SMYD3: variants seen among roughly 807,000 people sequenced by gnomAD.
SMYD3 encodes the protein SET and MYND domain containing 3.
In SMYD3, 36 loss-of-function variants were observed where a neutral mutation model predicts 57.7. That is an observed-to-expected ratio of 0.62 (90% CI 0.48 to 0.82). SMYD3 has a LOEUF of 0.82. Among genes scored for constraint, SMYD3 ranks in the 40% least tolerant of loss-of-function variants. The pLI, the probability that SMYD3 is intolerant of heterozygous loss-of-function variation, is 0.00. For missense variants in SMYD3, 515 were observed against 538.8 expected (o/e 0.96, Z 0.44); for synonymous variants, 211 against 195.0 (o/e 1.08, Z -0.68).
intron 5 of SMYD3, among the ~76,000 whole-genome samples, chr1:246,299,193 C>T (rs1178875265): frequency 6.6e-6 from 1 of 151,982 alleles, no homozygotes; most frequent in Non-Finnish European, 1.5e-5. Flanking sequence ...CAATAGCGTA[C>T]TGGTTCATTA....
intron 5 of SMYD3, among the ~76,000 whole-genome samples, chr1:245,944,245 C>T (rs554415292): frequency 6.5e-4 from 99 of 152,186 alleles, no homozygotes; most frequent in African/African-American, 2.2e-3. Flanking sequence ...AAAACTCCAT[C>T]GTCTAAGCCT....
intron 8 of SMYD3, among the ~76,000 whole-genome samples, chr1:245,868,845 C>T (rs1273662202): frequency 6.6e-6 from 1 of 152,160 alleles, no homozygotes; most frequent in African/African-American, 2.4e-5. Context: ...TGTCACGTCT[C>T]CCCTCTCTCC....
intron 5 of SMYD3, among the ~76,000 whole-genome samples, chr1:245,973,090 G>A (rs1364248688): frequency 6.6e-6 from 1 of 152,106 alleles, no homozygotes; most frequent in African/African-American, 2.4e-5. Context: ...AAGGTTCCAC[G>A]GCCACAGACA....
intron 10 of SMYD3, among the ~76,000 whole-genome samples, chr1:245,850,564 T>C (rs1265995955): frequency 1.3e-5 from 2 of 151,908 alleles, no homozygotes; most frequent in South Asian, 2.1e-4. Flanking sequence ...GGTGTCAGGG[T>C]GTGTGCCTGT....
intron 10 of SMYD3, among the ~76,000 whole-genome samples, chr1:245,857,380 C>A (rs2051300132): frequency 1.4e-5 from 2 of 146,262 alleles, no homozygotes; most frequent in South Asian, 4.3e-4. Context: ...ATATCCTAGA[C>A]CCTGGACTCA....
intron 10 of SMYD3, among the ~76,000 whole-genome samples, chr1:245,782,303 C>CA (rs1464009682): frequency 2.0e-5 from 3 of 152,162 alleles, no homozygotes; most frequent in Non-Finnish European, 4.4e-5. Flanking sequence ...AAGATTTTGA[C>CA]AGTTTTTGGT....
intron 5 of SMYD3, among the ~76,000 whole-genome samples, chr1:246,133,608 T>C (rs972506177): frequency 6.6e-6 from 1 of 152,116 alleles, no homozygotes; most frequent in African/African-American, 2.4e-5. Context: ...TCTTGATATA[T>C]GTCATCACGA....
chr1:245,955,765 C>A (rs937297443), intron 5 of SMYD3: 2 of 192,190 alleles, frequency 1.0e-5, no homozygotes, highest in African/African-American at 4.7e-5. Flanking sequence ...TGGAATGTAT[C>A]CCCCATGGAT....
At chr1:246,320,080 C>T (rs569180133) in intron 5 of SMYD3, among the ~76,000 whole-genome samples, 1 of 152,108 alleles carries the variant, frequency 6.6e-6, no homozygotes, top group Admixed American at 6.5e-5. Flanking sequence ...AATATTAAAT[C>T]GCGATTTCTT....
intron 8 of SMYD3, among the ~76,000 whole-genome samples, chr1:245,887,402 C>G (rs1397472329): frequency 6.6e-6 from 1 of 152,146 alleles, no homozygotes; most frequent in Non-Finnish European, 1.5e-5. Context: ...AACCCGCAGC[C>G]CTTGGGGCTG....
intron 10 of SMYD3, among the ~76,000 whole-genome samples, chr1:245,848,803 T>G (rs1467931746): frequency 1.3e-5 from 2 of 151,958 alleles, no homozygotes; most frequent in Non-Finnish European, 2.9e-5. Context: ...TCCACAGCTG[T>G]GGGATTTTGG....
intron 2 of SMYD3, among the ~76,000 whole-genome samples, chr1:246,342,709 TAAA>T (rs1281061352): frequency 6.6e-6 from 1 of 152,072 alleles, no homozygotes; most frequent in African/African-American, 2.4e-5. Flanking sequence ...TGAATAGAGC[TAAA>T]TATAAAGAAG....
intron 8 of SMYD3, among the ~76,000 whole-genome samples, chr1:245,900,279 A>T (rs1016722528): frequency 6.6e-6 from 1 of 152,190 alleles, no homozygotes; most frequent in Non-Finnish European, 1.5e-5. Context: ...TACAGTTCCT[A>T]GCCTCTTCTA....
At chr1:245,974,047 G>A (rs2058364686) in intron 5 of SMYD3, among the ~76,000 whole-genome samples, 1 of 151,908 alleles carries the variant, frequency 6.6e-6, no homozygotes, top group African/African-American at 2.4e-5. Flanking sequence ...AACTAAATCA[G>A]GCTGCCCTTC....
At chr1:246,308,214 C>G (rs1320767440) in intron 5 of SMYD3, among the ~76,000 whole-genome samples, 1 of 152,104 alleles carries the variant, frequency 6.6e-6, no homozygotes, top group East Asian at 1.9e-4. Context: ...TTCATTTATC[C>G]TACCAGACAG....
intron 5 of SMYD3, among the ~76,000 whole-genome samples, chr1:246,069,479 G>A (rs190400859): frequency 6.6e-5 from 10 of 152,294 alleles, no homozygotes; most frequent in African/African-American, 2.4e-4. Flanking sequence ...CAGTGTATGT[G>A]CATTTGTTTT....
At chr1:245,941,543 C>G (rs2057246191) in intron 5 of SMYD3, among the ~76,000 whole-genome samples, 1 of 152,112 alleles carries the variant, frequency 6.6e-6, no homozygotes. Context: ...TGTTTTGAGA[C>G]AGAGTCTCAC....
chr1:245,945,514 T>C (rs972679741), intron 5 of SMYD3, among the ~76,000 whole-genome samples: 2 of 152,176 alleles, frequency 1.3e-5, no homozygotes, highest in Non-Finnish European at 2.9e-5. Flanking sequence ...TTTTACATGG[T>C]TGATGAGAAT....
chr1:246,392,287 T>G (rs2066586070), intron 1 of SMYD3, among the ~76,000 whole-genome samples: 1 of 152,016 alleles, frequency 6.6e-6, no homozygotes, highest in Non-Finnish European at 1.5e-5. Context: ...ATCAGAGGAA[T>G]TAAAATAGAA....
Sources: allele counts gnomAD v4.1 joint callset (sites outside exome capture counted in the v4.1 genomes callset), GRCh38; gene constraint gnomAD v4.1.1; transcripts MANE v1.5; gene names NCBI Gene and HGNC (gene_info 2026-07-23, HGNC 2026-07-21).